Variants in LUZP2 observed in about 807,000 individuals in gnomAD.
LUZP2 encodes leucine zipper protein 2.
LUZP2 carries 52 observed loss-of-function variants against 51.6 expected under a neutral mutation model. The observed-to-expected ratio is 1.01, with a 90% confidence interval of 0.81 to 1.27. LUZP2 has a LOEUF of 1.27. Among genes scored for constraint, LUZP2 ranks in the 50% most tolerant of loss-of-function variants. The pLI is 0.00. For synonymous variants in LUZP2, 154 were observed against 137.3 expected, an observed-to-expected ratio of 1.12 and a Z score of -0.85; for missense variants, 436 against 395.4, an observed-to-expected ratio of 1.10 and a Z score of -0.87.
chr11:24,796,163 C>A (rs1386239), intron 5 of LUZP2, among the ~76,000 whole-genome samples: 149,973 of 152,182 alleles, frequency 0.99, 73,927 homozygotes, highest in Non-Finnish European at 1. Context: ...CTTCTGAACA[C>A]GCAGGGGTAT....
chr11:24,524,432 A>G (rs182597762), intron 1 of LUZP2, among the ~76,000 whole-genome samples: 8 of 151,860 alleles, frequency 5.3e-5, no homozygotes, highest in Admixed American at 4.6e-4. Context: ...CAAAGATTCC[A>G]TTTTATTGAC....
intron 1 of LUZP2, among the ~76,000 whole-genome samples, chr11:24,648,428 G>A (rs1020114258): frequency 6.6e-6 from 1 of 151,924 alleles, no homozygotes; most frequent in African/African-American, 2.4e-5. Flanking sequence ...AAATTCAGCT[G>A]CTCGGGTATG....
chr11:24,905,947 T>A (rs759087610), intron 5 of LUZP2, 44 bp from the exon 6 acceptor site: 3 of 1,368,626 alleles, frequency 2.2e-6, no homozygotes, highest in Non-Finnish European at 3.1e-6. Flanking sequence ...GAATTCTTAA[T>A]ATTTTGTCTC....
intron 5 of LUZP2, among the ~76,000 whole-genome samples, chr11:24,763,976 A>G (rs1313616569): frequency 6.6e-6 from 1 of 152,218 alleles, no homozygotes; most frequent in Admixed American, 6.6e-5. Context: ...TTTTATTTTG[A>G]ATCCTGATTA....
At chr11:24,781,596 T>C (rs1345257431) in intron 5 of LUZP2, among the ~76,000 whole-genome samples, 1 of 122,636 alleles carries the variant, frequency 8.2e-6, no homozygotes, top group African/African-American at 3.1e-5. Flanking sequence ...GTACTTTCAT[T>C]TCCATTACCA....
At chr11:24,995,642 A>T (rs1856471339) in intron 9 of LUZP2, among the ~76,000 whole-genome samples, 1 of 151,994 alleles carries the variant, frequency 6.6e-6, no homozygotes, top group Admixed American at 6.6e-5. Flanking sequence ...ATGTCACCCC[A>T]TTGCCTTCTA....
chr11:24,562,705 A>AAAG (rs1852085726), intron 1 of LUZP2, among the ~76,000 whole-genome samples: 3 of 150,612 alleles, frequency 2.0e-5, no homozygotes, highest in Non-Finnish European at 3.0e-5. Context: ...AATACAAAAA[A>AAAG]AAAAAAATTA....
intron 4 of LUZP2, 109 bp from the exon 5 acceptor site, chr11:24,763,137 C>T: frequency 1.7e-6 from 1 of 580,630 alleles, no homozygotes; most frequent in Non-Finnish European, 2.7e-6. Flanking sequence ...TGTTCTTTTT[C>T]AATATTTGTT....
intron 1 of LUZP2, among the ~76,000 whole-genome samples, chr11:24,657,161 T>A (rs777503035): frequency 4.6e-5 from 7 of 152,134 alleles, no homozygotes; most frequent in Non-Finnish European, 8.8e-5. Flanking sequence ...AGAAGGCTAT[T>A]GTAGTAGTCA....
chr11:24,680,973 ATTTTTT>A (rs67751061), intron 1 of LUZP2, among the ~76,000 whole-genome samples: 1 of 113,678 alleles, frequency 8.8e-6, no homozygotes, highest in Non-Finnish European at 1.9e-5. Flanking sequence ...TTCTTTCTTT[ATTTTTT>A]TTTTTTTTTT....
Position 24,732,129 on chromosome 11 carries a change from C to T in LUZP2, c.192C>T (p.Asn64=), listed in dbSNP as rs552830048. 5.5e-5 allele frequency: 88 copies of T among 1,608,044 alleles called. No homozygotes were observed. Among genetic ancestry groups the T allele is most frequent in the African/African-American group, 5.2e-4 (39 of 74,780 alleles). ...GIKVNLQSLK[N]DEQSAKTDVQ... ...ACTTTTCTTATCAGTCCTTAAAAAA[C>T]GATGAGCAGTCTGCCAAAACTGATG... Residue 64 remains asparagine (N), a synonymous_variant, in exon 3 of 12, where the codon AAC becomes AAT. Coordinates refer to ENST00000336930, the MANE Select transcript of LUZP2 (RefSeq NM_001009909.4).
intron 5 of LUZP2, among the ~76,000 whole-genome samples, chr11:24,819,102 C>G (rs1049114535): frequency 6.6e-6 from 1 of 151,716 alleles, no homozygotes; most frequent in Non-Finnish European, 1.5e-5. Flanking sequence ...CAGGAGTTGG[C>G]GACTCTGAGA....
At chr11:24,579,506 G>T (rs911048829) in intron 1 of LUZP2, among the ~76,000 whole-genome samples, 1 of 152,024 alleles carries the variant, frequency 6.6e-6, no homozygotes. Context: ...CAAAATTGTT[G>T]TAACTACTCA....
chr11:24,923,074 T>C (rs1414454512), intron 7 of LUZP2, among the ~76,000 whole-genome samples: 1 of 151,800 alleles, frequency 6.6e-6, no homozygotes, highest in East Asian at 2.0e-4. Context: ...GGTCTCGATC[T>C]CCTGACCTCG....
chr11:24,953,293 A>C (rs1180591975), intron 7 of LUZP2, among the ~76,000 whole-genome samples: 1 of 151,954 alleles, frequency 6.6e-6, no homozygotes, highest in Non-Finnish European at 1.5e-5. Flanking sequence ...TTCAAATGGC[A>C]GAAAGATTGG....
intron 1 of LUZP2, among the ~76,000 whole-genome samples, chr11:24,640,287 C>T (rs1008511507): frequency 3.3e-5 from 5 of 151,774 alleles, no homozygotes; most frequent in African/African-American, 9.7e-5. Flanking sequence ...GCATCTTGGT[C>T]GTTACTAACT....
At chr11:24,687,773 C>G (rs983713196) in intron 1 of LUZP2, among the ~76,000 whole-genome samples, 10 of 152,144 alleles carry the variant, frequency 6.6e-5, no homozygotes, top group Non-Finnish European at 1.2e-4. Context: ...TGCCTTTTCC[C>G]CAGAGCTGGT....
At chr11:24,755,500 T>C (rs1859740628) in intron 4 of LUZP2, among the ~76,000 whole-genome samples, 3 of 152,306 alleles carry the variant, frequency 2.0e-5, no homozygotes, top group East Asian at 1.9e-4. Context: ...TTAGCTATTA[T>C]AGATAAAAAT....
intron 9 of LUZP2, among the ~76,000 whole-genome samples, chr11:25,030,996 TATATATATATATATA>T (rs1565255239): frequency 0.071 from 288 of 4,080 alleles, 24 homozygotes; most frequent in African/African-American, 0.13. Flanking sequence ...CAATATATAT[TATATATATATATATA>T]TATATTTTTT....
Sources: gnomAD v4.1 joint callset for allele counts (sites outside exome capture counted in the v4.1 genomes callset) on GRCh38, gnomAD v4.1.1 for gene constraint, MANE v1.5 for transcripts, NCBI Gene and HGNC (gene_info 2026-07-23, HGNC 2026-07-21) for gene names.